VIPR1: variants seen among roughly 807,000 people sequenced by gnomAD.
VIPR1 encodes the protein vasoactive intestinal polypeptide receptor 1.
VIPR1 carries 59 observed loss-of-function variants against 58.8 expected under a neutral mutation model. The ratio of observed to expected loss-of-function variants is 1.00; its 90% CI spans 0.81 to 1.25. The LOEUF is 1.25. Among genes scored for constraint, VIPR1 ranks in the 50% most tolerant of loss-of-function variants. The pLI, the probability that VIPR1 is intolerant of heterozygous loss-of-function variation, is 0.00. For missense variants in VIPR1, 626 were observed against 602.7 expected (o/e 1.04, Z -0.40); for synonymous variants, 251 against 242.1 (o/e 1.04, Z -0.34).
In VIPR1 at chr3:42,532,592, T is replaced by C. The variant is rs1701630157; in HGVS notation, c.1010+259T>C. On this transcript the variant is annotated intron_variant, in intron 10 of 12. Coordinates refer to ENST00000325123, the MANE Select transcript of VIPR1 (RefSeq NM_004624.4). The stretch of plus-strand genomic sequence containing the variant: ...GCATCCTTCCCAGGTATGCATCTGC[T>C]GCCAAGCCAGGGAGCTCAAGAGGAC... 5.3e-6 allele frequency: 3 copies of C among 566,524 alleles called. No individual in the cohort carries two copies. In the Admixed American group the frequency reaches 9.1e-5, roughly 17 times the overall value. 35.1% of individuals were successfully genotyped at this position (566,524 alleles called of 1,614,324 possible).
chr3:42,519,130 G>A lies in VIPR1; in HGVS notation c.185-93G>A, dbSNP rs576489921. The A allele has an allele frequency of 1.2e-4, 125 of 1,028,170 alleles. No homozygotes were observed. In the African/African-American group the frequency reaches 1.9e-3, roughly 15 times the overall value. The allele number at this position is 1,028,170 out of a possible 1,614,324, so 63.7% of individuals were successfully genotyped here. ...TCCTTGAGGTGGGAGCCTGGCAGAG[G>A]GAGGAAGAGAGTGGGTGCCTATGGC... On this transcript the variant is annotated intron_variant, in intron 2 of 12. Transcript: ENST00000325123.
At chr3:42,493,755 A>G (rs1699708226) in intron 1 of VIPR1, among the ~76,000 whole-genome samples, 1 of 152,232 alleles carries the variant, frequency 6.6e-6, no homozygotes, top group Admixed American at 6.5e-5. Flanking sequence ...AAGGATCAGG[A>G]TATGGCTGTA....
chr3:42,532,143 C>T lies in VIPR1; in HGVS notation c.919-99C>T, dbSNP rs1701598017. The T allele has an allele frequency of 1.2e-5, 15 of 1,235,558 alleles. No homozygotes were observed. The South Asian group carries it at 1.8e-4, about 15-fold the overall frequency. 76.5% of individuals were successfully genotyped at this position (1,235,558 alleles called of 1,614,324 possible). A position where few individuals can be genotyped will look rare whatever the true frequency, so the allele number is the denominator to read the frequency against. ...AGGAGAGGTAAGATAGAGAGAGGGG[C>T]AGCAGGACCCTGGGAAAGAAGACAG... On this transcript the variant is annotated intron_variant, in intron 9 of 12. Coordinates refer to ENST00000325123, the MANE Select transcript of VIPR1 (RefSeq NM_004624.4).
intron 1 of VIPR1, among the ~76,000 whole-genome samples, chr3:42,493,495 G>A (rs1267029895): frequency 6.6e-6 from 1 of 152,230 alleles, no homozygotes; most frequent in East Asian, 1.9e-4. Flanking sequence ...GGTCCCTAGA[G>A]GCCTTTATGC....
At position 42,534,980 on chromosome 3, in the gene VIPR1, T is replaced by C; in HGVS notation, c.1016T>C (p.Leu339Pro). ...RKSDSSPYSR[L>P]ARSTLLLIPL... ...TGTCCCTCCCCTGTCTCCAGAAGGC[T>C]AGCCAGGTCCACACTCCTGCTGATC... The change falls in exon 11 of 13, where the codon CTA becomes CCA. Residue 339 changes from leucine to proline, a missense_variant. Leu to Pro is a moderately conservative substitution (Grantham distance 98). Transcript: ENST00000325123. 1 of 1,614,152 alleles carries C rather than the reference T, an allele frequency of 6.2e-7. No homozygotes were observed. The highest frequency in any genetic ancestry group is 8.5e-7 in the Non-Finnish European group (1 of 1,179,988).
chr3:42,522,550 ATGCTATAAATAAGAAAACCT>A (rs1701006088), intron 3 of VIPR1, among the ~76,000 whole-genome samples: 1 of 152,224 alleles, frequency 6.6e-6, no homozygotes, highest in African/African-American at 2.4e-5. Context: ...CTGCATCATG[ATGCTATAAATAAGAAAACCT>A]TGCTGCCAGC....
At chr3:42,497,375 A>G (rs1699783245) in intron 1 of VIPR1, among the ~76,000 whole-genome samples, 1 of 152,128 alleles carries the variant, frequency 6.6e-6, no homozygotes, top group Non-Finnish European at 1.5e-5. Context: ...CCTGGCTGGA[A>G]GTAGATGTGT....
chr3:42,491,219 G>A (rs1237230360), intron 1 of VIPR1, among the ~76,000 whole-genome samples: 3 of 152,192 alleles, frequency 2.0e-5, no homozygotes, highest in Admixed American at 6.5e-5. Flanking sequence ...CTGTATTTAA[G>A]CAAACAACTG....
At chr3:42,531,769 C>A in intron 8 of VIPR1, 34 bp from the exon 9 acceptor site, 2 of 1,613,504 alleles carry the variant, frequency 1.2e-6, no homozygotes, top group Non-Finnish European at 1.7e-6. Flanking sequence ...TGGCTGAGGA[C>A]AATCCCTCTC....
intron 1 of VIPR1, among the ~76,000 whole-genome samples, chr3:42,504,057 G>C (rs982785119): frequency 3.3e-5 from 5 of 152,100 alleles, no homozygotes; most frequent in Non-Finnish European, 7.4e-5. Context: ...ACCCATGACA[G>C]CCATGAGACC....
chr3:42,528,340 G>C, intron 6 of VIPR1: 2 of 652,922 alleles, frequency 3.1e-6, no homozygotes, highest in South Asian at 4.2e-5. Flanking sequence ...ACCCATCTGG[G>C]TGCTCACAGA....
chr3:42,498,636 A>G (rs374799449), upstream of VIPR1, among the ~76,000 whole-genome samples: 373 of 152,246 alleles, frequency 2.4e-3, 1 homozygote, highest in African/African-American at 8.5e-3. Flanking sequence ...CTGTTATGTC[A>G]GGATGATTCT....
intron 7 of VIPR1, 102 bp downstream of exon 7, chr3:42,531,034 G>A (rs1701516722): frequency 6.9e-7 from 1 of 1,446,668 alleles, no homozygotes; most frequent in Non-Finnish European, 9.4e-7. Context: ...CCTACGTCTT[G>A]CTTAGCTGCA....
rs1382382378 is a variant in VIPR1, at chr3:42,536,887, C to G, written c.*606C>G. Reference sequence around the variant, plus strand: ...GTTTTTGTTTGGAGAGCACACCTATCTTAGTGGTTCCCCACCGAAGTGGAC... The same window carrying G: ...GTTTTTGTTTGGAGAGCACACCTATGTTAGTGGTTCCCCACCGAAGTGGAC... On this transcript the variant is annotated 3_prime_UTR_variant, in exon 13 of 13. Coordinates refer to ENST00000325123, the MANE Select transcript of VIPR1 (RefSeq NM_004624.4). The G allele has an allele frequency of 6.6e-6, 1 of 152,230 alleles. No homozygotes were observed. The highest frequency in any genetic ancestry group is 1.5e-5 in the Non-Finnish European group (1 of 68,074). 9.4% of individuals were successfully genotyped at this position (152,230 alleles called of 1,614,324 possible).
intron 1 of VIPR1, chr3:42,513,012 G>A: frequency 1.0e-6 from 1 of 963,534 alleles, no homozygotes; most frequent in African/African-American, 1.8e-5. Context: ...TACAGGGAGG[G>A]GAAGAGGAGA....
chr3:42,529,799 TC>T (rs1421218261), intron 6 of VIPR1: 1 of 152,128 alleles, frequency 6.6e-6, no homozygotes, highest in Non-Finnish European at 1.5e-5. Flanking sequence ...CAGAATACCT[TC>T]CAGTCATGCC....
At position 42,530,794 on chromosome 3, in the gene VIPR1, G is replaced by C; in HGVS notation, c.652G>C (p.Ala218Pro). Residue 218 changes from alanine to proline, a missense_variant, in exon 7 of 13, where the codon GCC becomes CCC. Ala to Pro is a conservative substitution (Grantham distance 27). Transcript: ENST00000325123. ...CSEGSVGCKAAMVFFQYCVMA... is the reference protein window; with the variant it reads ...CSEGSVGCKAPMVFFQYCVMA... ...CCCCCTGCAGGTGGGCTGTAAGGCA[G>C]CCATGGTCTTTTTCCAATATTGTGT... 2 of 1,614,086 alleles carry C rather than the reference G, an allele frequency of 1.2e-6. No individual in the cohort carries two copies. The highest frequency in any genetic ancestry group is 1.7e-5 in the Admixed American group (1 of 60,016).
chr3:42,515,366 G>A (rs140490845), intron 2 of VIPR1, among the ~76,000 whole-genome samples: 2 of 152,154 alleles, frequency 1.3e-5, no homozygotes, highest in Non-Finnish European at 2.9e-5. Context: ...GGGTCACGGG[G>A]TGGCTGGGCC....
intron 1 of VIPR1, among the ~76,000 whole-genome samples, chr3:42,507,635 C>T (rs771906691): frequency 9.2e-5 from 14 of 152,160 alleles, no homozygotes; most frequent in Non-Finnish European, 2.1e-4. Flanking sequence ...TGGCCAGGAT[C>T]GTGAACAAGC....
Sources: allele counts gnomAD v4.1 joint callset (sites outside exome capture counted in the v4.1 genomes callset), GRCh38; gene constraint gnomAD v4.1.1; transcripts MANE v1.5; gene names NCBI Gene and HGNC (gene_info 2026-07-23, HGNC 2026-07-21).